The following CEP112 variants were observed in gnomAD, a reference collection of about 807,000 sequenced individuals.
CEP112 encodes the protein centrosomal protein 112, also known as centrosomal protein of 112 kDa.
CEP112 carries 127 observed loss-of-function variants against 153.0 expected under a neutral mutation model. That is an observed-to-expected ratio of 0.83 (90% CI 0.72 to 0.96). The LOEUF (loss-of-function observed/expected upper bound fraction) is 0.96, where lower values mean the gene tolerates loss of function less well. Among genes scored for constraint, CEP112 ranks in the 40% least tolerant of loss-of-function variants. The pLI, the probability that CEP112 is intolerant of heterozygous loss-of-function variation, is 0.00. For synonymous variants in CEP112, 358 were observed against 374.4 expected (o/e 0.96, Z 0.51); for missense variants, 1,089 against 1,101.2 (o/e 0.99, Z 0.16).
chr17:66,024,036 T>C (rs2065101329), intron 16 of CEP112, among the ~76,000 whole-genome samples: 1 of 152,164 alleles, frequency 6.6e-6, no homozygotes, highest in African/African-American at 2.4e-5. Context: ...ATAAATGTGA[T>C]TCATCACATA....
intron 24 of CEP112, among the ~76,000 whole-genome samples, chr17:65,669,211 A>G (rs902202428): frequency 6.6e-6 from 1 of 152,178 alleles, no homozygotes; most frequent in East Asian, 1.9e-4. Flanking sequence ...ACTACTGCCT[A>G]TTACTGACTC....
chr17:65,708,156 T>C (rs2049008182), intron 23 of CEP112, among the ~76,000 whole-genome samples: 1 of 152,276 alleles, frequency 6.6e-6, no homozygotes, highest in East Asian at 1.9e-4. Flanking sequence ...CGCACTTTTT[T>C]TTTTTGTATT....
chr17:66,110,321 A>G (rs1249272171), intron 6 of CEP112, among the ~76,000 whole-genome samples: 4 of 151,608 alleles, frequency 2.6e-5, no homozygotes, highest in Middle Eastern at 3.4e-3. Context: ...ATGAAATGAG[A>G]CTCTAGCTCA....
At chr17:66,021,712 C>A (rs2065005726) in intron 16 of CEP112, among the ~76,000 whole-genome samples, 1 of 152,132 alleles carries the variant, frequency 6.6e-6, no homozygotes, top group Non-Finnish European at 1.5e-5. Context: ...TACCTCTAGA[C>A]CCCTGTCAGG....
At chr17:66,039,241 A>G (rs1361767577) in intron 12 of CEP112, among the ~76,000 whole-genome samples, 1 of 152,156 alleles carries the variant, frequency 6.6e-6, no homozygotes, top group Non-Finnish European at 1.5e-5. Flanking sequence ...TTCATCGTAC[A>G]ACATCTACTG....
chr17:65,648,721 A>G (rs1417451857), intron 24 of CEP112, among the ~76,000 whole-genome samples: 1 of 152,226 alleles, frequency 6.6e-6, no homozygotes, highest in Non-Finnish European at 1.5e-5. Context: ...TAGCGAAGGG[A>G]GAACTAAAAC....
intron 21 of CEP112, among the ~76,000 whole-genome samples, chr17:65,766,924 G>A (rs1053114170): frequency 3.6e-5 from 5 of 139,780 alleles, no homozygotes; most frequent in Non-Finnish European, 7.6e-5. Context: ...GGACATGAAG[G>A]GAGAAACAGA....
chr17:65,868,369 G>A (rs932865631), intron 20 of CEP112, among the ~76,000 whole-genome samples: 2 of 151,996 alleles, frequency 1.3e-5, no homozygotes, highest in Non-Finnish European at 2.9e-5. Flanking sequence ...GCATGGTGCT[G>A]GACACCTGTA....
At chr17:65,809,122 T>A (rs935562412) in intron 21 of CEP112, among the ~76,000 whole-genome samples, 3 of 152,078 alleles carry the variant, frequency 2.0e-5, no homozygotes, top group Admixed American at 6.5e-5. Context: ...TAGTAGCACA[T>A]AATGGACTAA....
intron 19 of CEP112, 26 bp downstream of exon 19, chr17:65,927,556 T>C (rs375946382): frequency 1.6e-6 from 2 of 1,265,610 alleles, no homozygotes; most frequent in African/African-American, 1.5e-5. Flanking sequence ...AAAAATTTAA[T>C]GGCAGCATCA....
chr17:66,149,114 T>C (rs2071050441), intron 4 of CEP112, among the ~76,000 whole-genome samples: 1 of 152,236 alleles, frequency 6.6e-6, no homozygotes, highest in African/African-American at 2.4e-5. Context: ...TTGATTCTGT[T>C]AATGCTAATG....
At chr17:65,791,391 T>C (rs981670907) in intron 21 of CEP112, among the ~76,000 whole-genome samples, 1 of 152,190 alleles carries the variant, frequency 6.6e-6, no homozygotes, top group Non-Finnish European at 1.5e-5. Context: ...AGGAATCTGA[T>C]TTAAAAGCTC....
At chr17:65,826,191 C>T in intron 21 of CEP112, 1 of 1,614,190 alleles carries the variant, frequency 6.2e-7, no homozygotes, top group Non-Finnish European at 8.5e-7. Flanking sequence ...TTCAAACTTC[C>T]TGCCTGCTCT....
intron 21 of CEP112, among the ~76,000 whole-genome samples, chr17:65,799,868 AT>A (rs2055160177): frequency 1.3e-5 from 2 of 152,210 alleles, no homozygotes. Flanking sequence ...GGATTTTTCT[AT>A]AGTTGTTTTA....
At chr17:65,868,973 A>T (rs146467121) in intron 20 of CEP112, among the ~76,000 whole-genome samples, 1 of 152,234 alleles carries the variant, frequency 6.6e-6, no homozygotes, top group Admixed American at 6.5e-5. Flanking sequence ...ACGTGTTCTC[A>T]TAAGTTATTG....
intron 18 of CEP112, among the ~76,000 whole-genome samples, chr17:65,946,487 A>G (rs1271544900): frequency 1.3e-5 from 2 of 152,154 alleles, no homozygotes; most frequent in Non-Finnish European, 2.9e-5. Context: ...GACTGATCAT[A>G]TAGGTGTGGG....
chr17:66,095,908 C>G (rs971437783), intron 8 of CEP112, among the ~76,000 whole-genome samples: 1 of 151,654 alleles, frequency 6.6e-6, no homozygotes, highest in African/African-American at 2.4e-5. Flanking sequence ...GATCCCATCT[C>G]TACCAAAAAA....
intron 2 of CEP112, among the ~76,000 whole-genome samples, chr17:66,177,264 T>C (rs1326652198): frequency 2.6e-5 from 4 of 152,198 alleles, no homozygotes; most frequent in East Asian, 1.9e-4. Flanking sequence ...TATGTTCCAA[T>C]AAAACCTGGC....
intron 12 of CEP112, among the ~76,000 whole-genome samples, chr17:66,038,331 A>G (rs1226134567): frequency 1.3e-5 from 2 of 152,142 alleles, no homozygotes; most frequent in African/African-American, 4.8e-5. Flanking sequence ...GAAGCAAACT[A>G]TGTGACGTCA....
Sources: allele counts gnomAD v4.1 joint callset (sites outside exome capture counted in the v4.1 genomes callset), GRCh38; gene constraint gnomAD v4.1.1; transcripts MANE v1.5; gene names NCBI Gene and HGNC (gene_info 2026-07-23, HGNC 2026-07-21).